The following ARHGAP19 variants were observed in gnomAD, a reference collection of about 807,000 sequenced individuals.
The protein encoded by ARHGAP19 is Rho GTPase activating protein 19.
A neutral mutation model predicts 60.9 loss-of-function variants in ARHGAP19; 48 were observed. The observed-to-expected ratio is 0.79, with a 90% CI of 0.62 to 1.00. ARHGAP19 has a LOEUF of 1.00. ARHGAP19 is among the 50% of genes least tolerant of loss of function. The probability of loss-of-function intolerance (pLI) is 0.00; values close to 1 mark genes in which losing one functional copy is unlikely to be tolerated. For missense variants in ARHGAP19, 562 were observed against 597.2 expected (o/e 0.94, Z 0.61); for synonymous variants, 209 against 215.5 (o/e 0.97, Z 0.27).
intron 4 of ARHGAP19, among the ~76,000 whole-genome samples, chr10:97,262,664 A>C (rs565352564): frequency 5.3e-5 from 8 of 152,120 alleles, no homozygotes; most frequent in African/African-American, 1.9e-4. Flanking sequence ...ACTCAGTCTC[A>C]AAACAAACAA....
chr10:97,253,993 A>C (rs1011205082), intron 6 of ARHGAP19, among the ~76,000 whole-genome samples: 1 of 152,180 alleles, frequency 6.6e-6, no homozygotes, highest in Non-Finnish European at 1.5e-5. Flanking sequence ...AAACTATAAA[A>C]TACTACTGAA....
intron 6 of ARHGAP19, among the ~76,000 whole-genome samples, chr10:97,251,719 G>T (rs1201316382): frequency 2.0e-4 from 1 of 5,028 alleles, no homozygotes; most frequent in Admixed American, 2.0e-3. Flanking sequence ...GGAAGGGGAA[G>T]GGAAGGGGAA....
intron 1 of ARHGAP19, among the ~76,000 whole-genome samples, chr10:97,274,825 A>G (rs74152153): frequency 3.9e-4 from 59 of 152,186 alleles, no homozygotes; most frequent in African/African-American, 1.3e-3. Flanking sequence ...CAGAAATAAC[A>G]AGGGCTCTGG....
At chr10:97,282,386 A>G (rs928711) in intron 1 of ARHGAP19, among the ~76,000 whole-genome samples, 142,944 of 152,308 alleles carry the variant, frequency 0.94, 67,729 homozygotes, top group East Asian at 1. Flanking sequence ...TAGATATCTA[A>G]CAACACTGAG....
At chr10:97,280,965 G>T (rs1466894802) in intron 1 of ARHGAP19, among the ~76,000 whole-genome samples, 1 of 152,278 alleles carries the variant, frequency 6.6e-6, no homozygotes, top group East Asian at 1.9e-4. Context: ...GGTCCTAAAA[G>T]ACTACTTCTA....
At position 97,292,609 on chromosome 10, in the gene ARHGAP19, T is replaced by A. The variant is rs759386281; in HGVS notation, c.19A>T (p.Ser7Cys). Residue 7 changes from serine to cysteine, a missense_variant, in exon 1 of 12, where the codon AGT becomes TGT. Coordinates refer to ENST00000358531, the MANE Select transcript of ARHGAP19 (RefSeq NM_032900.6). MATEAQ[S>C]EGEVPARESG... ...TCGCGGGCTGGCACCTCCCCTTCAC[T>A]CTGTGCCTCAGTCGCCATCTTCGTC... is the stretch of plus-strand genomic sequence containing the variant. The A allele has an allele frequency of 6.2e-7, 1 of 1,614,124 alleles. No individual in the cohort carries two copies. The highest frequency in any genetic ancestry group is 1.7e-5 in the Admixed American group (1 of 60,006).
In ARHGAP19 at chr10:97,235,444, G is replaced by T. The variant is rs952095110; in HGVS notation, c.1186-129C>A. ...AGTCTGCGCATAGATGGATTAGGAG[G>T]TCAAAAAGCCAATCACAAAGTCAGA... is the stretch of plus-strand genomic sequence containing the variant. On this transcript the variant is annotated intron_variant, in intron 8 of 11. Coordinates refer to ENST00000358531, the MANE Select transcript of ARHGAP19 (RefSeq NM_032900.6). The T allele has an allele frequency of 1.1e-5, 8 of 724,978 alleles. No homozygotes were observed. The African/African-American group carries it at 1.4e-4, about 13-fold the overall frequency. The allele number at this position is 724,978 out of a possible 1,614,324, so 44.9% of individuals were successfully genotyped here.
chr10:97,271,366 AAAGT>A (rs1350200758), intron 1 of ARHGAP19, among the ~76,000 whole-genome samples: 4 of 152,062 alleles, frequency 2.6e-5, no homozygotes, highest in African/African-American at 9.7e-5. Flanking sequence ...TAAAACTTTA[AAAGT>A]AATAATAAAA....
intron 4 of ARHGAP19, among the ~76,000 whole-genome samples, chr10:97,260,833 C>T (rs930074546): frequency 6.6e-6 from 1 of 151,604 alleles, no homozygotes; most frequent in Non-Finnish European, 1.5e-5. Context: ...GTGGCACATG[C>T]CTGTAACCCC....
intron 4 of ARHGAP19, among the ~76,000 whole-genome samples, chr10:97,259,921 C>T (rs1293673955): frequency 1.3e-5 from 2 of 151,876 alleles, no homozygotes; most frequent in East Asian, 2.0e-4. Flanking sequence ...TTGCAACCTC[C>T]GCCTCCCGGG....
chr10:97,255,092 G>C (rs1461661433), intron 6 of ARHGAP19, among the ~76,000 whole-genome samples: 1 of 152,158 alleles, frequency 6.6e-6, no homozygotes, highest in Non-Finnish European at 1.5e-5. Context: ...CTGTTTAATG[G>C]GTACAGAGTT....
rs967205586 is a variant in ARHGAP19 at position 97,222,962 on chromosome 10, G to A, written c.*3160C>T. ...CCAGTGACCACAGGTTCTCCTAGAC[G>A]GCAGTATTTTCAACTGCATGCTAAC... On this transcript the variant is annotated 3_prime_UTR_variant, in exon 12 of 12. Transcript: ENST00000358531. 2.0e-5 allele frequency: 3 copies of A among 152,136 alleles called. No homozygotes were observed. The highest frequency in any genetic ancestry group is 2.1e-4 in the South Asian group (1 of 4,830). The allele number at this position is 152,136 out of a possible 1,614,324, so 9.4% of individuals were successfully genotyped here.
intron 1 of ARHGAP19, among the ~76,000 whole-genome samples, chr10:97,281,545 C>T (rs1478813460): frequency 6.6e-6 from 1 of 152,170 alleles, no homozygotes; most frequent in Admixed American, 6.6e-5. Context: ...AGAAATCGAT[C>T]ACTTGTGTGT....
chr10:97,283,960 G>T (rs1218554408), intron 1 of ARHGAP19, among the ~76,000 whole-genome samples: 2 of 150,644 alleles, frequency 1.3e-5, no homozygotes, highest in South Asian at 4.2e-4. Flanking sequence ...TAGAGACAGG[G>T]TCTCACTCTG....
intron 9 of ARHGAP19, among the ~76,000 whole-genome samples, chr10:97,230,835 G>A (rs115251865): frequency 6.8e-4 from 104 of 152,216 alleles, no homozygotes; most frequent in African/African-American, 2.5e-3. Flanking sequence ...GGACGCTGAG[G>A]CGGGTGAATC....
chr10:97,259,346 A>T (rs1842796404), intron 5 of ARHGAP19, 56 bp downstream of exon 5: 2 of 1,361,332 alleles, frequency 1.5e-6, no homozygotes, highest in Non-Finnish European at 2.1e-6. Flanking sequence ...ACAGCCATAG[A>T]ATGAGGCCCA....
chr10:97,256,675 G>A (rs996474052), intron 5 of ARHGAP19, among the ~76,000 whole-genome samples: 10 of 152,048 alleles, frequency 6.6e-5, no homozygotes, highest in Non-Finnish European at 1.3e-4. Flanking sequence ...AATTGGCAAG[G>A]AAAATCTAGT....
At chr10:97,246,965 C>T (rs1012350720) in intron 6 of ARHGAP19, among the ~76,000 whole-genome samples, 1 of 152,032 alleles carries the variant, frequency 6.6e-6, no homozygotes, top group Non-Finnish European at 1.5e-5. Context: ...TGGTGAAACC[C>T]CATCTCTACT....
intron 9 of ARHGAP19, 126 bp from the exon 10 acceptor site, chr10:97,230,000 G>T: frequency 1.5e-6 from 1 of 686,282 alleles, no homozygotes; most frequent in Non-Finnish European, 2.4e-6. Flanking sequence ...AATCCTGTAT[G>T]GACCCTCTCA....
Sources: gnomAD v4.1 joint callset for allele counts (sites outside exome capture counted in the v4.1 genomes callset) on GRCh38, gnomAD v4.1.1 for gene constraint, MANE v1.5 for transcripts, NCBI Gene and HGNC (gene_info 2026-07-23, HGNC 2026-07-21) for gene names.